AKR1C4: variants seen among roughly 807,000 people sequenced by gnomAD.
The protein encoded by AKR1C4 is 3-alpha-HSD1.
In AKR1C4, 44 loss-of-function variants were observed where a neutral mutation model predicts 41.0. That is an observed-to-expected ratio of 1.07 (90% CI 0.84 to 1.38). The LOEUF is 1.38. Among genes scored for constraint, AKR1C4 ranks in the 40% most tolerant of loss-of-function variants. The probability of loss-of-function intolerance (pLI) is 0.00; values close to 1 mark genes in which losing one functional copy is unlikely to be tolerated. For synonymous variants in AKR1C4, 165 were observed against 137.7 expected (o/e 1.20, Z -1.39); for missense variants, 438 against 387.9 (o/e 1.13, Z -1.09).
intron 2 of AKR1C4, among the ~76,000 whole-genome samples, chr10:5,203,430 C>T (rs964872457): frequency 1.1e-4 from 16 of 152,102 alleles, no homozygotes; most frequent in Non-Finnish European, 1.6e-4. Flanking sequence ...TTGTCACTGC[C>T]GCTTCTACTT....
intron 7 of AKR1C4, among the ~76,000 whole-genome samples, chr10:5,215,310 T>C (rs4350268): frequency 0.019 from 2,918 of 152,280 alleles, 99 homozygotes; most frequent in African/African-American, 0.067. Context: ...GAGGTGTTTG[T>C]GTCATGGGGG....
At position 5,200,091 on chromosome 10, in the gene AKR1C4, G is replaced by A. The variant is rs1832374076; in HGVS notation, c.85-90G>A. 1.5e-5 allele frequency: 23 copies of A among 1,522,804 alleles called. No homozygotes were observed. The East Asian group carries it at 5.2e-4, about 35-fold the overall frequency. The allele number at this position is 1,522,804 out of a possible 1,614,324, so 94.3% of individuals were successfully genotyped here. A position where few individuals can be genotyped will look rare whatever the true frequency, so the allele number is the denominator to read the frequency against. ...TGAAGAAGCGAGCCACACCCCCACT[G>A]CACACCCTGTGAGGACAAGGGAACT... On this transcript the variant is annotated intron_variant, in intron 1 of 8. Coordinates refer to ENST00000263126, the MANE Select transcript of AKR1C4 (RefSeq NM_001818.5).
chr10:5,215,451 G>A (rs1235325431), intron 7 of AKR1C4, among the ~76,000 whole-genome samples: 4 of 152,206 alleles, frequency 2.6e-5, no homozygotes, highest in African/African-American at 9.6e-5. Flanking sequence ...TTTGCAGGCT[G>A]TACAAAAAGC....
intron 3 of AKR1C4, among the ~76,000 whole-genome samples, chr10:5,205,170 T>C (rs1832465517): frequency 6.6e-6 from 1 of 152,240 alleles, no homozygotes; most frequent in African/African-American, 2.4e-5. Flanking sequence ...TCCATAATTA[T>C]CTATGAACTC....
At position 5,212,818 on chromosome 10, in the gene AKR1C4, G is replaced by A; in HGVS notation, c.680+93G>A. The A allele has an allele frequency of 6.2e-6, 9 of 1,441,824 alleles. No individual in the cohort carries two copies. The Admixed American group carries it at 1.4e-4, about 22-fold the overall frequency. 89.3% of individuals were successfully genotyped at this position (1,441,824 alleles called of 1,614,324 possible). A position where few individuals can be genotyped will look rare whatever the true frequency, so the allele number is the denominator to read the frequency against. ...CAGTCTCCTAGAGTTCATTCTCAATGGGTCAGGGTAAGGGGATAATTTGCA... is the reference window on the plus strand; with the variant it reads ...CAGTCTCCTAGAGTTCATTCTCAATAGGTCAGGGTAAGGGGATAATTTGCA... On this transcript the variant is annotated intron_variant, in intron 6 of 8. Transcript: ENST00000263126.
intron 2 of AKR1C4, 89 bp downstream of exon 2, chr10:5,200,437 G>A (rs1832382867): frequency 1.3e-6 from 2 of 1,504,460 alleles, no homozygotes; most frequent in Middle Eastern, 1.8e-4. Flanking sequence ...GTAGTTGTGG[G>A]TGAATTGTGC....
chr10:5,203,324 T>C (rs1832431353), intron 2 of AKR1C4, among the ~76,000 whole-genome samples: 1 of 152,160 alleles, frequency 6.6e-6, no homozygotes, highest in Admixed American at 6.5e-5. Flanking sequence ...ACTCCCCAAG[T>C]TCAAGTTGGC....
rs139345312 is a variant in AKR1C4, at chr10:5,215,613, T to C, written c.847-1098T>C. ...CTGCTTAGAAATTTCTTCCACCAGA[T>C]ACCCTTAGTCATCACTAAGTTCAGA... On this transcript the variant is annotated intron_variant, in intron 7 of 8. Transcript: ENST00000263126. 1.8e-3 allele frequency among the ~76,000 whole-genome samples: 268 copies of C among 152,324 alleles called. 1 individual carries two copies. The highest frequency in any genetic ancestry group is 6.1e-3 in the African/African-American group (254 of 41,570).
chr10:5,197,226 AAACTC>A (rs1203410495), intron 1 of AKR1C4, among the ~76,000 whole-genome samples: 1 of 152,204 alleles, frequency 6.6e-6, no homozygotes, highest in Non-Finnish European at 1.5e-5. Flanking sequence ...AGAATATATA[AAACTC>A]AACAGTGAAG....
chr10:5,201,475 G>C (rs535792264), intron 2 of AKR1C4, among the ~76,000 whole-genome samples: 1 of 152,054 alleles, frequency 6.6e-6, no homozygotes, highest in Non-Finnish European at 1.5e-5. Flanking sequence ...TTGGTGACTT[G>C]AGTTCCTTGT....
In AKR1C4 at chr10:5,212,045, G is replaced by A. The variant is rs374706505; in HGVS notation, c.571-571G>A. ...CTCCTACAGCATGTGGGAATTATGA[G>A]AGCTACAAAATGAGATTTGGGTGGG... On this transcript the variant is annotated intron_variant, in intron 5 of 8. Transcript: ENST00000263126. Among the ~76,000 whole-genome samples the A allele has an allele frequency of 3.9e-5, 6 of 152,268 alleles. No homozygotes were observed. The East Asian group carries it at 1.2e-3, about 29-fold the overall frequency.
At chr10:5,213,215 T>G in intron 7 of AKR1C4, 56 bp downstream of exon 7, 1 of 1,597,826 alleles carries the variant, frequency 6.3e-7, no homozygotes, top group Non-Finnish European at 8.5e-7. Context: ...CACGTGTGCT[T>G]CTTGTAAGGT....
intron 5 of AKR1C4, among the ~76,000 whole-genome samples, chr10:5,209,843 A>T (rs1175523447): frequency 6.6e-6 from 1 of 152,118 alleles, no homozygotes; most frequent in Non-Finnish European, 1.5e-5. Context: ...TTGGGTGGGG[A>T]CACATAGCCA....
chr10:5,218,717 G>C lies in AKR1C4; in HGVS notation c.930-1G>C. 1 of 1,595,244 alleles carries C rather than the reference G, an allele frequency of 6.3e-7. No individual in the cohort carries two copies. Among genetic ancestry groups the C allele is most frequent in the Non-Finnish European group, 8.6e-7 (1 of 1,162,930 alleles). On this transcript the variant is annotated splice_acceptor_variant, in intron 8 of 8. Coordinates refer to ENST00000263126, the MANE Select transcript of AKR1C4 (RefSeq NM_001818.5). LOFTEE classifies it high-confidence loss of function. ...TTATGTACTATCCTTTCTCTTTTCAGTCTTATGGACCATCCTGATTATCCA... is the reference window on the plus strand; with the variant it reads ...TTATGTACTATCCTTTCTCTTTTCACTCTTATGGACCATCCTGATTATCCA...
intron 2 of AKR1C4, among the ~76,000 whole-genome samples, chr10:5,203,726 A>G (rs976533651): frequency 6.6e-6 from 1 of 152,202 alleles, no homozygotes; most frequent in Non-Finnish European, 1.5e-5. Context: ...TGTCTTTCCA[A>G]GTGGGAGAGG....
At chr10:5,202,957 G>T (rs1433101918) in intron 2 of AKR1C4, among the ~76,000 whole-genome samples, 148 of 126,074 alleles carry the variant, frequency 1.2e-3, no homozygotes, top group African/African-American at 3.2e-3. Flanking sequence ...GTGTGTGTGT[G>T]TGTGTGTGTG....
intron 5 of AKR1C4, among the ~76,000 whole-genome samples, chr10:5,210,305 A>G (rs1413428477): frequency 6.6e-6 from 1 of 152,210 alleles, no homozygotes; most frequent in East Asian, 1.9e-4. Flanking sequence ...TTTGCAGGGT[A>G]CAGCCTCCCT....
intron 5 of AKR1C4, among the ~76,000 whole-genome samples, chr10:5,211,193 G>A (rs1832570616): frequency 6.6e-6 from 1 of 152,236 alleles, no homozygotes; most frequent in Non-Finnish European, 1.5e-5. Flanking sequence ...ATGCCTTGGA[G>A]ACATTTTCCC....
intron 5 of AKR1C4, chr10:5,207,616 G>C (rs1554797592): frequency 1.7e-6 from 2 of 1,165,328 alleles, no homozygotes; most frequent in African/African-American, 3.1e-5. Flanking sequence ...AGCAATGGTT[G>C]AACTAAGCTC....
Sources: allele counts gnomAD v4.1 joint callset (sites outside exome capture counted in the v4.1 genomes callset), GRCh38; gene constraint gnomAD v4.1.1; transcripts MANE v1.5; gene names NCBI Gene and HGNC (gene_info 2026-07-23, HGNC 2026-07-21).